PEX11B: variants seen among roughly 807,000 people sequenced by gnomAD.
The protein encoded by PEX11B is peroxisomal membrane protein 11B.
In PEX11B, 18 loss-of-function variants were observed where a neutral mutation model predicts 28.2. That is an observed-to-expected ratio of 0.64 (90% CI 0.44 to 0.95). The LOEUF (loss-of-function observed/expected upper bound fraction) is 0.95, where lower values mean the gene tolerates loss of function less well. Among genes scored for constraint, PEX11B ranks in the 40% least tolerant of loss-of-function variants. The probability of loss-of-function intolerance (pLI) is 0.00; values close to 1 mark genes in which losing one functional copy is unlikely to be tolerated. For synonymous variants in PEX11B, 128 were observed against 128.7 expected (o/e 0.99, Z 0.04); for missense variants, 305 against 319.8 (o/e 0.95, Z 0.35).
chr1:145,912,462 G>C lies in PEX11B; in HGVS notation c.479C>G (p.Ser160Cys), dbSNP rs782180120. 6.6e-7 allele frequency: 1 copy of C among 1,523,202 alleles called. No homozygotes were observed. The allele number at this position is 1,523,202 out of a possible 1,614,324, so 94.4% of individuals were successfully genotyped here. A position where few individuals can be genotyped will look rare whatever the true frequency, so the allele number is the denominator to read the frequency against. ...SSACSRRLKG[S>C]GGGVPGGSET... ...ACTTCCTCCTGGGACTCCTCCTCCA[G>C]AACCTTTCAGTCGCCGGCTACAAGC... Residue 160 changes from serine (S) to cysteine (C), a missense_variant, in exon 4 of 4, where the codon TCT becomes TGT. By Grantham distance (112) the Ser-to-Cys change is moderately radical (BLOSUM62 -1). Coordinates refer to ENST00000369306, the MANE Select transcript of PEX11B (RefSeq NM_003846.3).
intron 1 of PEX11B, 67 bp downstream of exon 1, chr1:145,918,566 C>A: frequency 3.2e-6 from 5 of 1,557,134 alleles, no homozygotes; most frequent in Non-Finnish European, 4.3e-6. Context: ...AAACTGACTT[C>A]GCCTCACTAG....
intron 1 of PEX11B, 78 bp from the exon 2 acceptor site, chr1:145,917,894 C>G: frequency 7.1e-7 from 1 of 1,414,032 alleles, no homozygotes; most frequent in East Asian, 2.3e-5. Flanking sequence ...AAGGCACAGA[C>G]AGACTTCCCC....
At chr1:145,915,758 C>T (rs587760171) in intron 3 of PEX11B, among the ~76,000 whole-genome samples, 9 of 151,900 alleles carry the variant, frequency 5.9e-5, no homozygotes, top group Middle Eastern at 3.4e-3. Context: ...CTCAGCCTCC[C>T]GAGTAGCTGG....
chr1:145,914,243 G>A lies in PEX11B; in HGVS notation c.375-1677C>T, dbSNP rs187037499. Among the ~76,000 whole-genome samples the A allele has an allele frequency of 2.6e-4, 39 of 151,998 alleles. No individual in the cohort carries two copies. The East Asian group carries it at 4.8e-3, about 19-fold the overall frequency. ...ACAAAAATTAGCTGGGTGTGGTGGCGCGTGCCTGTAATCCCAGCTACTCAG... is the reference window on the plus strand; with the variant it reads ...ACAAAAATTAGCTGGGTGTGGTGGCACGTGCCTGTAATCCCAGCTACTCAG... On this transcript the variant is annotated intron_variant, in intron 3 of 3. Transcript: ENST00000369306.
chr1:145,916,799 G>A lies in PEX11B; in HGVS notation c.374+18C>T. 1.9e-6 allele frequency: 3 copies of A among 1,591,900 alleles called. No individual in the cohort carries two copies. Among genetic ancestry groups the A allele is most frequent in the Non-Finnish European group, 2.6e-6 (3 of 1,160,462 alleles). ...GAGGCTACAAAAAAAAATCTTAAAG[G>A]AGAACAGGATATCAAACCTGAATGA... On this transcript the variant is annotated intron_variant, in intron 3 of 3. Transcript: ENST00000369306.
intron 2 of PEX11B, 127 bp downstream of exon 2, chr1:145,917,574 T>C (rs1427830946): frequency 3.0e-6 from 2 of 665,566 alleles, no homozygotes; most frequent in Non-Finnish European, 5.5e-6. Flanking sequence ...ACTGGACTCA[T>C]GCAGAGGGTA....
At chr1:145,913,889 T>C (rs1040245830) in intron 3 of PEX11B, among the ~76,000 whole-genome samples, 2 of 152,232 alleles carry the variant, frequency 1.3e-5, no homozygotes, top group African/African-American at 2.4e-5. Flanking sequence ...AAGTATATCC[T>C]GAACCCAACC....
At chr1:145,913,521 A>G (rs1305708623) in intron 3 of PEX11B, among the ~76,000 whole-genome samples, 2 of 151,906 alleles carry the variant, frequency 1.3e-5, no homozygotes, top group Non-Finnish European at 2.9e-5. Flanking sequence ...GCACCTTAAG[A>G]TCCTGGTTTA....
At position 145,917,716 on chromosome 1, in the gene PEX11B, T is replaced by C; in HGVS notation, c.157A>G (p.Ser53Gly). Residue 53 changes from serine (S) to glycine (G), a missense_variant, in exon 2 of 4, where the codon AGC becomes GGC. Transcript: ENST00000369306. ...KQIRQLESHLSLGRKLLRLGN... is the reference protein window; with the variant it reads ...KQIRQLESHLGLGRKLLRLGN... The stretch of plus-strand genomic sequence containing the variant: ...AGTTACTTACGCTTTCTTCCAAGGC[T>C]CAGGTGGCTCTCCAGTTGTCGAATC... The C allele has an allele frequency of 6.3e-7, 1 of 1,595,354 alleles. No homozygotes were observed. The highest frequency in any genetic ancestry group is 1.1e-5 in the South Asian group (1 of 90,712).
At position 145,912,082 on chromosome 1, in the gene PEX11B, G is replaced by T; in HGVS notation, c.*79C>A. 8.7e-7 allele frequency: 1 copy of T among 1,143,580 alleles called. No individual in the cohort carries two copies. Among genetic ancestry groups the T allele is most frequent in the Non-Finnish European group, 1.2e-6 (1 of 838,648 alleles). 70.8% of individuals were successfully genotyped at this position (1,143,580 alleles called of 1,614,324 possible). The stretch of plus-strand genomic sequence containing the variant: ...TAACTTTAACCAAAGAGTAGAATTC[G>T]AATGAGGCTGGCACATGGGGGACGA... On this transcript the variant is annotated 3_prime_UTR_variant, in exon 4 of 4. Coordinates refer to ENST00000369306, the MANE Select transcript of PEX11B (RefSeq NM_003846.3).
In PEX11B at chr1:145,918,622, T is replaced by A; in HGVS notation, c.56+11A>T. The A allele has an allele frequency of 1.9e-6, 3 of 1,572,638 alleles. No individual in the cohort carries two copies. The highest frequency in any genetic ancestry group is 2.6e-6 in the Non-Finnish European group (3 of 1,156,952). ...TCCCCCGCCCCACCCCCATTCCTAT[T>A]CGGGCCGCACCTACACAGCCGCTCC... On this transcript the variant is annotated intron_variant, in intron 1 of 3. Coordinates refer to ENST00000369306, the MANE Select transcript of PEX11B (RefSeq NM_003846.3).
chr1:145,912,089 G>A lies in PEX11B; in HGVS notation c.*72C>T. On this transcript the variant is annotated 3_prime_UTR_variant, in exon 4 of 4. Transcript: ENST00000369306. ...AACCAAAGAGTAGAATTCGAATGAG[G>A]CTGGCACATGGGGGACGATCTAAGA... 1 of 1,206,228 alleles carries A rather than the reference G, an allele frequency of 8.3e-7. No homozygotes were observed. Among genetic ancestry groups the A allele is most frequent in the South Asian group, 1.9e-5 (1 of 53,180 alleles). The allele number at this position is 1,206,228 out of a possible 1,614,324, so 74.7% of individuals were successfully genotyped here.
At chr1:145,916,715 T>A (rs587618955) in intron 3 of PEX11B, 102 bp downstream of exon 3, 4 of 825,498 alleles carry the variant, frequency 4.8e-6, no homozygotes, top group Non-Finnish European at 8.1e-6. Context: ...TCAAGACTTA[T>A]ATACTCTGGA....
chr1:145,915,601 C>A (rs1553753789), intron 3 of PEX11B, among the ~76,000 whole-genome samples: 1 of 151,962 alleles, frequency 6.6e-6, no homozygotes, highest in East Asian at 1.9e-4. Context: ...CCTCTCTTGA[C>A]CCACTGCAAT....
chr1:145,917,794 G>A lies in PEX11B; in HGVS notation c.79C>T (p.Leu27Phe). The change falls in exon 2 of 4, where the codon CTT (leucine) becomes TTT (phenylalanine). Residue 27 changes from leucine to phenylalanine, a missense_variant. By Grantham distance (22) the Leu-to-Phe change is conservative. Transcript: ENST00000369306. ...LCRAAQYACS[L>F]LGHALQRHGA... is the part of the protein sequence containing the mutation. ...TGCCTCTGCAGCGCATGGCCAAGAAGAGAGCAAGCATACTGGGCGGCCCTA... is the reference window on the plus strand; with the variant it reads ...TGCCTCTGCAGCGCATGGCCAAGAAAAGAGCAAGCATACTGGGCGGCCCTA... 2 of 1,613,534 alleles carry A rather than the reference G, an allele frequency of 1.2e-6. No homozygotes were observed. Among genetic ancestry groups the A allele is most frequent in the Non-Finnish European group, 1.7e-6 (2 of 1,179,430 alleles).
At position 145,917,761 on chromosome 1, in the gene PEX11B, T is replaced by G. The variant is rs1410328266; in HGVS notation, c.112A>C (p.Ser38Arg). 2 of 1,613,846 alleles carry G rather than the reference T, an allele frequency of 1.2e-6. No individual in the cohort carries two copies. Among genetic ancestry groups the G allele is most frequent in the Admixed American group, 1.7e-5 (1 of 60,006 alleles). Residue 38 changes from serine (S) to arginine (R), a missense_variant, in exon 2 of 4, where the codon AGT becomes CGT. Transcript: ENST00000369306. ...LGHALQRHGASPELQKQIRQL... is the reference protein window; with the variant it reads ...LGHALQRHGARPELQKQIRQL... Reference sequence around the variant, plus strand: ...CGAATCTGTTTCTGTAACTCAGGACTGGCTCCATGCCTCTGCAGCGCATGG... The same window carrying G: ...CGAATCTGTTTCTGTAACTCAGGACGGGCTCCATGCCTCTGCAGCGCATGG...
intron 3 of PEX11B, among the ~76,000 whole-genome samples, chr1:145,915,867 C>T (rs1056515924): frequency 1.3e-5 from 2 of 151,972 alleles, no homozygotes; most frequent in East Asian, 1.9e-4. Flanking sequence ...GTCCTGACCT[C>T]GTGATCCCCC....
intron 3 of PEX11B, among the ~76,000 whole-genome samples, chr1:145,913,633 C>CAT (rs1657905371): frequency 7.2e-6 from 1 of 139,046 alleles, no homozygotes; most frequent in African/African-American, 3.0e-5. Context: ...ACACACTCTC[C>CAT]ATCTCTCTCT....
chr1:145,916,952 A>G lies in PEX11B; in HGVS notation c.239T>C (p.Val80Ala). The G allele has an allele frequency of 6.2e-7, 1 of 1,613,848 alleles. No homozygotes were observed. Among genetic ancestry groups the G allele is most frequent in the Non-Finnish European group, 8.5e-7 (1 of 1,179,690 alleles). Residue 80 changes from valine (V) to alanine (A), a missense_variant, in exon 3 of 4, where the codon GTT (valine) becomes GCT (alanine). Transcript: ENST00000369306. ...SAKRAVHLSDVVLRFCITVSH... is the reference protein window; with the variant it reads ...SAKRAVHLSDAVLRFCITVSH... ...AACAGTGATGCAGAATCTCAGGACA[A>G]CATCTGATAGGTGAACAGCTCTTTT...
Sources: allele counts gnomAD v4.1 joint callset (sites outside exome capture counted in the v4.1 genomes callset), GRCh38; gene constraint gnomAD v4.1.1; transcripts MANE v1.5; gene names NCBI Gene and HGNC (gene_info 2026-07-23, HGNC 2026-07-21).